PCDHGA5: variants seen among roughly 807,000 people sequenced by gnomAD.
PCDHGA5 encodes protocadherin gamma-A5.
A neutral mutation model predicts 56.7 loss-of-function variants in PCDHGA5; 36 were observed. That is an observed-to-expected ratio of 0.64 (90% CI 0.49 to 0.84). The LOEUF (loss-of-function observed/expected upper bound fraction) is 0.84. Among genes scored for constraint, PCDHGA5 ranks in the 40% least tolerant of loss-of-function variants. The probability of loss-of-function intolerance (pLI) is 0.00; values close to 1 mark genes in which losing one functional copy is unlikely to be tolerated. For missense variants in PCDHGA5, 1,305 were observed against 1,201.5 expected (o/e 1.09, Z -1.27); for synonymous variants, 563 against 520.2 (o/e 1.08, Z -1.12).
In PCDHGA5 at chr5:141,374,048, C is replaced by T. The variant is rs1406796976; in HGVS notation, c.2421+7297C>T. ...AAAGTGATGCAGATCTGTTCTTCCT[C>T]TTCTTAATCCCAGAGAAGTTCCTAA... On this transcript the variant is annotated intron_variant, in intron 1 of 3. Coordinates refer to ENST00000518069, the MANE Select transcript of PCDHGA5 (RefSeq NM_018918.3). The T allele has an allele frequency of 4.8e-6, 7 of 1,471,096 alleles. No homozygotes were observed. In the East Asian group the frequency reaches 1.4e-4, roughly 30 times the overall value. 91.1% of individuals were successfully genotyped at this position (1,471,096 alleles called of 1,614,324 possible).
chr5:141,383,023 G>A (rs1778720923), intron 1 of PCDHGA5: 2 of 1,613,826 alleles, frequency 1.2e-6, no homozygotes, highest in South Asian at 1.1e-5. Context: ...GACGGACAAA[G>A]GGTCCTTTGT....
In PCDHGA5 at chr5:141,477,625, C is replaced by T; in HGVS notation, c.2422-17182C>T. ...TTCTCTTGGAGCAAGGAGCTGAAACCGGGCTAGTGGGTCGCTATTTCACAA... is the reference window on the plus strand; with the variant it reads ...TTCTCTTGGAGCAAGGAGCTGAAACTGGGCTAGTGGGTCGCTATTTCACAA... On this transcript the variant is annotated intron_variant, in intron 1 of 3. Coordinates refer to ENST00000518069, the MANE Select transcript of PCDHGA5 (RefSeq NM_018918.3). This position sits in a 1 kb window ranked among gnomAD's most constrained non-coding sequence, Gnocchi z 4.9. The T allele has an allele frequency of 1.2e-6, 2 of 1,614,200 alleles. No homozygotes were observed. Among genetic ancestry groups the T allele is most frequent in the Non-Finnish European group, 1.7e-6 (2 of 1,180,046 alleles).
At chr5:141,372,551 C>T (rs758593544) in intron 1 of PCDHGA5, 2 of 1,614,030 alleles carry the variant, frequency 1.2e-6, no homozygotes, top group South Asian at 1.1e-5. Flanking sequence ...GATGCTCCTC[C>T]AGACCCGCCA....
chr5:141,413,166 C>A (rs758193163), intron 1 of PCDHGA5: 3 of 1,590,396 alleles, frequency 1.9e-6, no homozygotes, highest in South Asian at 2.3e-5. Flanking sequence ...AATTCTGTAA[C>A]CAGACTACAA....
rs199973289 is a variant in PCDHGA5, at chr5:141,393,414, G to A, written c.2421+26663G>A. On this transcript the variant is annotated intron_variant, in intron 1 of 3. Transcript: ENST00000518069. ...AGAGCTGGTGCTGGAGCGCGCCCTG[G>A]ACAGGGAGGAAGAGGCTGCTCACCA... 7 of 1,614,038 alleles carry A rather than the reference G, an allele frequency of 4.3e-6. No individual in the cohort carries two copies. In the East Asian group the frequency reaches 1.3e-4, roughly 31 times the overall value.
intron 3 of PCDHGA5, 77 bp downstream of exon 3, chr5:141,505,558 C>T (rs945428797): frequency 3.7e-6 from 6 of 1,605,016 alleles, no homozygotes; most frequent in African/African-American, 1.3e-5. Context: ...ACCATGCCCA[C>T]GGACTGGATG....
Position 141,489,533 on chromosome 5 carries a change from C to G in PCDHGA5, c.2422-5274C>G, listed in dbSNP as rs754586925. The G allele has an allele frequency of 6.2e-7, 1 of 1,614,086 alleles. No individual in the cohort carries two copies. The highest frequency in any genetic ancestry group is 1.7e-5 in the Admixed American group (1 of 60,030). ...ATTGACCGAGAAAGCCTATGTGGAG[C>G]CAGCACCAGCTGCCTGCTGCCAGTG... On this transcript the variant is annotated intron_variant, in intron 1 of 3. Coordinates refer to ENST00000518069, the MANE Select transcript of PCDHGA5 (RefSeq NM_018918.3). The surrounding 1 kb of genome is among the most constrained non-coding windows in gnomAD (Gnocchi z 4.5).
At chr5:141,410,830 G>T in intron 1 of PCDHGA5, 11 of 332,874 alleles carry the variant, frequency 3.3e-5, no homozygotes, top group East Asian at 5.9e-5. Context: ...TCACCAGACT[G>T]AAGATATTTT....
chr5:141,477,168 A>C lies in PCDHGA5; in HGVS notation c.2422-17639A>C, dbSNP rs763187246. 1 of 1,614,210 alleles carries C rather than the reference A, an allele frequency of 6.2e-7. No homozygotes were observed. The highest frequency in any genetic ancestry group is 8.5e-7 in the Non-Finnish European group (1 of 1,180,040). On this transcript the variant is annotated intron_variant, in intron 1 of 3. Transcript: ENST00000518069. This position sits in a 1 kb window ranked among gnomAD's most constrained non-coding sequence, Gnocchi z 4.9. ...GTGGATGTGAATGACAACGCCCCGG[A>C]GATCACAGTCACCTCCGTGTACAGC...
In PCDHGA5 at chr5:141,400,695, G is replaced by A. The variant is rs187552551; in HGVS notation, c.2421+33944G>A. On this transcript the variant is annotated intron_variant, in intron 1 of 3. Transcript: ENST00000518069. The stretch of plus-strand genomic sequence containing the variant: ...GCAGTAAATTGTGAGTTTTTATGTC[G>A]CATAAAAGAAGTAGCCTTATAGATT... 1.8e-5 allele frequency: 14 copies of A among 759,510 alleles called. No homozygotes were observed. The Admixed American group carries it at 4.0e-4, about 22-fold the overall frequency. The allele number at this position is 759,510 out of a possible 1,614,324, so 47.0% of individuals were successfully genotyped here.
chr5:141,410,333 A>G lies in PCDHGA5; in HGVS notation c.2421+43582A>G, dbSNP rs774436706. 4.7e-5 allele frequency: 76 copies of G among 1,613,666 alleles called. No individual in the cohort carries two copies. Among genetic ancestry groups the G allele is most frequent in the Non-Finnish European group, 4.0e-5 (47 of 1,179,884 alleles). ...CTTCCTCCTCGCCGTGATTCTGGCC[A>G]TTGCCTTGCGCCTGCGACGCTCTCT... On this transcript the variant is annotated intron_variant, in intron 1 of 3. Transcript: ENST00000518069.
chr5:141,375,703 G>T (rs776426026), intron 1 of PCDHGA5: 9 of 1,614,144 alleles, frequency 5.6e-6, no homozygotes, highest in Non-Finnish European at 7.6e-6. Flanking sequence ...GCGGGGACCC[G>T]CCTCTTAGCA....
rs754747902 is a variant in PCDHGA5 at position 141,417,898 on chromosome 5, G to T, written c.2421+51147G>T. The T allele has an allele frequency of 5.5e-5, 87 of 1,579,262 alleles. 1 individual carries two copies. The South Asian group carries it at 7.8e-4, about 14-fold the overall frequency. The stretch of plus-strand genomic sequence containing the variant: ...GCGCGCAGAGGCGCCGGGCCGGCCC[G>T]CGGCAGGTACTATTTCCTTTGCTGC... On this transcript the variant is annotated intron_variant, in intron 1 of 3. Coordinates refer to ENST00000518069, the MANE Select transcript of PCDHGA5 (RefSeq NM_018918.3).
chr5:141,364,635 G>T lies in PCDHGA5; in HGVS notation c.305G>T (p.Cys102Phe). The change falls in exon 1 of 4, where the codon TGT (cysteine) becomes TTT (phenylalanine). Residue 102 changes from cysteine to phenylalanine, a missense_variant. Cys to Phe is a radical substitution (Grantham distance 205). Coordinates refer to ENST00000518069, the MANE Select transcript of PCDHGA5 (RefSeq NM_018918.3). ...REELCAQSPL[C>F]VVNFNILVEN... ...GAGCTCTGCGCTCAGAGCCCACTGT[G>T]TGTGGTGAACTTTAACATCTTGGTT... The T allele has an allele frequency of 6.2e-7, 1 of 1,614,158 alleles. No homozygotes were observed. The highest frequency in any genetic ancestry group is 1.1e-5 in the South Asian group (1 of 91,092).
chr5:141,366,411 T>C lies in PCDHGA5; in HGVS notation c.2081T>C (p.Val694Ala), dbSNP rs759374656. ...GATCTGGACCTCACACTCTATCTTG[T>C]GGTGGCAGTGGCTGCAGTCTCCTGC... ...PEDLDLTLYL[V>A]VAVAAVSCVF... Residue 694 changes from valine to alanine, a missense_variant, in exon 1 of 4, where the codon GTG becomes GCG. Coordinates refer to ENST00000518069, the MANE Select transcript of PCDHGA5 (RefSeq NM_018918.3). The C allele has an allele frequency of 6.2e-7, 1 of 1,614,194 alleles. No individual in the cohort carries two copies.
At chr5:141,379,171 A>G (rs1561582641) in intron 1 of PCDHGA5, 1 of 152,248 alleles carries the variant, frequency 6.6e-6, no homozygotes, top group Non-Finnish European at 1.5e-5. Flanking sequence ...GTCTTCTTAA[A>G]GATAACATTG....
chr5:141,370,148 C>T, intron 1 of PCDHGA5: 1 of 445,956 alleles, frequency 2.2e-6, no homozygotes, highest in East Asian at 3.3e-5. Flanking sequence ...GTCACCATTA[C>T]TGCAGTTCTG....
intron 1 of PCDHGA5, chr5:141,385,463 T>A: frequency 6.9e-7 from 1 of 1,443,350 alleles, no homozygotes; most frequent in Non-Finnish European, 9.1e-7. Flanking sequence ...TTTCCTTCAG[T>A]GGTGACACTT....
intron 1 of PCDHGA5, chr5:141,385,540 G>T: frequency 1.5e-6 from 2 of 1,323,840 alleles, no homozygotes; most frequent in Non-Finnish European, 1.9e-6. Context: ...ATGAATATGT[G>T]GACTATCACA....
Sources: gnomAD v4.1 joint callset for allele counts on GRCh38, gnomAD v4.1.1 for gene constraint, Gnocchi (gnomAD v3.1) non-coding constraint, MANE v1.5 for transcripts, NCBI Gene and HGNC (gene_info 2026-07-23, HGNC 2026-07-21) for gene names.